The following RALA variants were observed in gnomAD, a reference collection of about 807,000 sequenced individuals.
RALA encodes ras-related protein Ral-A.
A neutral mutation model predicts 24.0 loss-of-function variants in RALA; 5 were observed. The observed-to-expected ratio is 0.21, with a 90% CI of 0.11 to 0.44. The LOEUF (loss-of-function observed/expected upper bound fraction) is 0.44. RALA is among the 20% of genes least tolerant of loss of function. The probability of loss-of-function intolerance (pLI) is 0.99; values close to 1 mark genes in which losing one functional copy is unlikely to be tolerated. For synonymous variants in RALA, 77 were observed against 83.8 expected (o/e 0.92, Z 0.44); for missense variants, 95 against 241.2 (o/e 0.39, Z 4.01).
intron 4 of RALA, among the ~76,000 whole-genome samples, chr7:39,701,833 A>G (rs1359284207): frequency 6.6e-6 from 1 of 152,230 alleles, no homozygotes; most frequent in African/African-American, 2.4e-5. Context: ...CTTGTCACAG[A>G]GGAATCACTC....
At chr7:39,640,767 A>G (rs1791800394) in intron 1 of RALA, among the ~76,000 whole-genome samples, 1 of 152,224 alleles carries the variant, frequency 6.6e-6, no homozygotes, top group Non-Finnish European at 1.5e-5. Context: ...TCTTCATTCA[A>G]CAGTTAAGCA....
At chr7:39,669,745 G>A (rs557680792) in intron 1 of RALA, among the ~76,000 whole-genome samples, 2 of 150,556 alleles carry the variant, frequency 1.3e-5, no homozygotes, top group South Asian at 2.1e-4. Flanking sequence ...GTTTAGGGCT[G>A]TAGTGAGGTA....
chr7:39,681,134 G>C (rs1792590054), intron 1 of RALA, among the ~76,000 whole-genome samples: 1 of 151,788 alleles, frequency 6.6e-6, no homozygotes, highest in Non-Finnish European at 1.5e-5. Context: ...TGCCTCTTTT[G>C]GATGATTGTT....
At chr7:39,687,697 C>G (rs1057371831) in intron 2 of RALA, among the ~76,000 whole-genome samples, 1 of 152,188 alleles carries the variant, frequency 6.6e-6, no homozygotes, top group Non-Finnish European at 1.5e-5. Context: ...CATTTATCCT[C>G]ACTTCTGTTT....
intron 4 of RALA, 131 bp from the exon 5 acceptor site, chr7:39,705,992 C>A: frequency 1.3e-6 from 1 of 778,968 alleles, no homozygotes; most frequent in Non-Finnish European, 2.0e-6. Context: ...ATGCTTTCCG[C>A]TCTGTACTCC....
rs953127337 is a variant in RALA at position 39,632,021 on chromosome 7, G to C, written c.-38+8196G>C. On this transcript the variant is annotated intron_variant, in intron 1 of 4. Transcript: ENST00000005257. Reference sequence around the variant, plus strand: ...AAAAGAAGAGTGAGAGAGAGGAGGAGGTTCTGGGCTCTTTTAAACAACCAG... The same window carrying C: ...AAAAGAAGAGTGAGAGAGAGGAGGACGTTCTGGGCTCTTTTAAACAACCAG... Among the ~76,000 whole-genome samples, 5 of 152,122 alleles carry C rather than the reference G, an allele frequency of 3.3e-5. No individual in the cohort carries two copies. In the South Asian group the frequency reaches 1.0e-3, roughly 31 times the overall value.
At chr7:39,680,463 C>A (rs2116049774) in intron 1 of RALA, among the ~76,000 whole-genome samples, 1 of 151,538 alleles carries the variant, frequency 6.6e-6, no homozygotes, top group East Asian at 1.9e-4. Flanking sequence ...GTAATCCCAG[C>A]TGCTCGGAAG....
chr7:39,670,724 A>C (rs955763175), intron 1 of RALA, among the ~76,000 whole-genome samples: 1 of 152,098 alleles, frequency 6.6e-6, no homozygotes, highest in African/African-American at 2.4e-5. Flanking sequence ...TTCCTTTTCC[A>C]CCTTTCAGGT....
chr7:39,651,580 T>C (rs569973855), intron 1 of RALA, among the ~76,000 whole-genome samples: 1 of 146,510 alleles, frequency 6.8e-6, no homozygotes, highest in Non-Finnish European at 1.5e-5. Flanking sequence ...TTCACTAAGC[T>C]TTTTTTTTTT....
intron 1 of RALA, among the ~76,000 whole-genome samples, chr7:39,674,150 T>C (rs1385810798): frequency 1.3e-5 from 2 of 152,072 alleles, no homozygotes; most frequent in Admixed American, 6.6e-5. Context: ...CAAAATCATA[T>C]CTCACTGTAA....
chr7:39,671,235 G>T (rs1792381991), intron 1 of RALA, among the ~76,000 whole-genome samples: 1 of 151,968 alleles, frequency 6.6e-6, no homozygotes, highest in Non-Finnish European at 1.5e-5. Context: ...AAAATCTAAA[G>T]ACTTGGTTTA....
At chr7:39,630,100 A>G (rs946991237) in intron 1 of RALA, among the ~76,000 whole-genome samples, 4 of 151,450 alleles carry the variant, frequency 2.6e-5, no homozygotes, top group Non-Finnish European at 4.4e-5. Context: ...CAGCGGTGCA[A>G]TGGTGCGATC....
At position 39,707,242 on chromosome 7, in the gene RALA, A is replaced by G. The variant is rs1226375903; in HGVS notation, c.*997A>G. On this transcript the variant is annotated 3_prime_UTR_variant, in exon 5 of 5. Coordinates refer to ENST00000005257, the MANE Select transcript of RALA (RefSeq NM_005402.4). ...GTGAGCATGTAAGTGTTAAGTTTTTAATCTGGGAGCAGGGCATAGGAAGAA... is the reference window on the plus strand; with the variant it reads ...GTGAGCATGTAAGTGTTAAGTTTTTGATCTGGGAGCAGGGCATAGGAAGAA... The G allele has an allele frequency of 2.6e-5, 4 of 152,192 alleles. No homozygotes were observed. Among genetic ancestry groups the G allele is most frequent in the East Asian group, 1.9e-4 (1 of 5,198 alleles). The allele number at this position is 152,192 out of a possible 1,614,324, so 9.4% of individuals were successfully genotyped here.
intron 1 of RALA, among the ~76,000 whole-genome samples, chr7:39,666,965 G>A (rs866426539): frequency 1.2e-3 from 177 of 152,090 alleles, no homozygotes; most frequent in African/African-American, 3.8e-3. Context: ...AACATTTTTG[G>A]GGAAAAAAAT....
At chr7:39,628,993 A>G (rs140073744) in intron 1 of RALA, among the ~76,000 whole-genome samples, 56 of 152,368 alleles carry the variant, frequency 3.7e-4, no homozygotes, top group African/African-American at 1.3e-3. Flanking sequence ...TGTATGTACC[A>G]TAGTTTTCTC....
chr7:39,651,431 C>T (rs897976137), intron 1 of RALA, among the ~76,000 whole-genome samples: 2 of 152,188 alleles, frequency 1.3e-5, no homozygotes, highest in South Asian at 2.1e-4. Flanking sequence ...CTTGGAGGCT[C>T]CTCACCACAC....
At chr7:39,636,402 C>G (rs1187527500) in intron 1 of RALA, among the ~76,000 whole-genome samples, 1 of 152,166 alleles carries the variant, frequency 6.6e-6, no homozygotes, top group Non-Finnish European at 1.5e-5. Context: ...TATAGCCATT[C>G]TAGTGAATAT....
At chr7:39,633,971 A>G (rs1441321909) in intron 1 of RALA, among the ~76,000 whole-genome samples, 1 of 152,130 alleles carries the variant, frequency 6.6e-6, no homozygotes. Context: ...GATTCTTATA[A>G]TTTCAAGATT....
chr7:39,656,424 T>A (rs866216241), intron 1 of RALA, among the ~76,000 whole-genome samples: 8 of 152,336 alleles, frequency 5.3e-5, no homozygotes, highest in Middle Eastern at 6.8e-3. Flanking sequence ...TAATTTGGGA[T>A]TAGTTATGAC....
Sources: allele counts gnomAD v4.1 joint callset (sites outside exome capture counted in the v4.1 genomes callset), GRCh38; gene constraint gnomAD v4.1.1; transcripts MANE v1.5; gene names NCBI Gene and HGNC (gene_info 2026-07-23, HGNC 2026-07-21).